SPIDR: variants seen among roughly 807,000 people sequenced by gnomAD.
SPIDR encodes scaffold protein involved in DNA repair.
Under a neutral mutation model 104.6 loss-of-function variants are expected in SPIDR, and 93 were observed. That is an observed-to-expected ratio of 0.89 (90% CI 0.75 to 1.06). The LOEUF is 1.06. Ranked by LOEUF, SPIDR falls within the 50% of genes least tolerant of loss-of-function variation. SPIDR has a pLI of 0.00. For missense variants in SPIDR, 1,154 were observed against 1,111.2 expected (o/e 1.04, Z -0.55); for synonymous variants, 431 against 416.9 (o/e 1.03, Z -0.41).
chr8:47,262,671 T>C (rs2032801780), intron 1 of SPIDR, among the ~76,000 whole-genome samples: 1 of 152,142 alleles, frequency 6.6e-6, no homozygotes. Context: ...AGAAGTGACA[T>C]CCCATCTCCT....
intron 8 of SPIDR, among the ~76,000 whole-genome samples, chr8:47,582,585 G>A (rs2059817130): frequency 6.6e-6 from 1 of 152,090 alleles, no homozygotes; most frequent in Non-Finnish European, 1.5e-5. Context: ...ATTCTCAGGT[G>A]AGAAGTGGAA....
At chr8:47,600,236 C>T (rs908980631) in intron 10 of SPIDR, among the ~76,000 whole-genome samples, 2 of 152,280 alleles carry the variant, frequency 1.3e-5, no homozygotes, top group East Asian at 3.9e-4. Flanking sequence ...CCTGGCCGGG[C>T]ATGGTTGCTC....
chr8:47,293,916 T>C lies in SPIDR; in HGVS notation c.411T>C (p.Ala137=). The change falls in exon 5 of 20, where the codon GCT becomes GCC. Residue 137 remains alanine (A), a synonymous_variant. Transcript: ENST00000297423. The stretch of plus-strand genomic sequence containing the variant: ...AGATTGACAGTGACAGGGCAGAGGC[T>C]AGTGACTGTGATGAATTTGAAGATG... ...DWEIDSDRAE[A]SDCDEFEDDE... 1 of 1,614,108 alleles carries C rather than the reference T, an allele frequency of 6.2e-7. No individual in the cohort carries two copies. The highest frequency in any genetic ancestry group is 8.5e-7 in the Non-Finnish European group (1 of 1,179,968).
chr8:47,475,063 A>T (rs1489521116), intron 8 of SPIDR, among the ~76,000 whole-genome samples: 2 of 152,190 alleles, frequency 1.3e-5, no homozygotes, highest in African/African-American at 4.8e-5. Flanking sequence ...GAAGTGTTTC[A>T]TAGATTTTCT....
intron 10 of SPIDR, among the ~76,000 whole-genome samples, chr8:47,612,463 G>T (rs1243950864): frequency 1.3e-5 from 2 of 152,206 alleles, no homozygotes; most frequent in Non-Finnish European, 2.9e-5. Flanking sequence ...TTCAGAAAAG[G>T]CTAGAACAAG....
intron 3 of SPIDR, 41 bp from the exon 4 acceptor site, chr8:47,290,992 A>G (rs1586428375): frequency 1.4e-6 from 2 of 1,475,726 alleles, no homozygotes; most frequent in Non-Finnish European, 9.4e-7. Context: ...AAATGACCAT[A>G]TAAGGAGATC....
At chr8:47,440,257 T>TA in intron 7 of SPIDR, 66 bp from the exon 8 acceptor site, 1 of 1,406,854 alleles carries the variant, frequency 7.1e-7, no homozygotes, top group Non-Finnish European at 9.9e-7. Context: ...TCATGACACT[T>TA]TATTCACGCT....
intron 5 of SPIDR, among the ~76,000 whole-genome samples, chr8:47,322,219 A>G (rs2046779235): frequency 6.6e-6 from 1 of 152,220 alleles, no homozygotes; most frequent in Non-Finnish European, 1.5e-5. Flanking sequence ...AATATCCAGA[A>G]TCTACAATGA....
intron 1 of SPIDR, 50 bp downstream of exon 1, chr8:47,261,041 G>T: frequency 8.2e-7 from 1 of 1,226,398 alleles, no homozygotes; most frequent in Non-Finnish European, 1.0e-6. Flanking sequence ...GCGTTGCGGG[G>T]AAGCGGCGGG....
chr8:47,287,710 T>A (rs2039130178), intron 3 of SPIDR, among the ~76,000 whole-genome samples: 1 of 152,230 alleles, frequency 6.6e-6, no homozygotes, highest in Non-Finnish European at 1.5e-5. Context: ...TCAGACCTTA[T>A]GGTTGTTTTC....
intron 10 of SPIDR, among the ~76,000 whole-genome samples, chr8:47,660,045 C>T (rs190058475): frequency 3.5e-4 from 53 of 152,260 alleles, no homozygotes; most frequent in African/African-American, 1.1e-3. Context: ...GAAACTGAGC[C>T]AGTGAATGAA....
At chr8:47,575,894 A>T (rs1325213150) in intron 8 of SPIDR, among the ~76,000 whole-genome samples, 2 of 149,270 alleles carry the variant, frequency 1.3e-5, no homozygotes, top group Admixed American at 1.3e-4. Context: ...TGGCAGGCGG[A>T]GGTTGCAGTG....
At chr8:47,514,070 T>C (rs1377431959) in intron 8 of SPIDR, among the ~76,000 whole-genome samples, 1 of 152,216 alleles carries the variant, frequency 6.6e-6, no homozygotes, top group Non-Finnish European at 1.5e-5. Flanking sequence ...GCACCTTTTG[T>C]ATCTGATCAA....
chr8:47,348,839 A>C (rs2052775978), intron 5 of SPIDR, among the ~76,000 whole-genome samples: 1 of 152,084 alleles, frequency 6.6e-6, no homozygotes, highest in East Asian at 1.9e-4. Flanking sequence ...TATCCTAGTT[A>C]GCCATTTGTC....
intron 10 of SPIDR, among the ~76,000 whole-genome samples, chr8:47,647,152 A>G (rs1166220500): frequency 6.6e-6 from 1 of 152,200 alleles, no homozygotes; most frequent in East Asian, 1.9e-4. Flanking sequence ...CCATGCTGAA[A>G]CATTTATCCA....
At chr8:47,354,605 G>T (rs1197373653) in intron 5 of SPIDR, among the ~76,000 whole-genome samples, 1 of 151,842 alleles carries the variant, frequency 6.6e-6, no homozygotes, top group Non-Finnish European at 1.5e-5. Flanking sequence ...ATAAATTTAT[G>T]TTTATACTGA....
intron 8 of SPIDR, among the ~76,000 whole-genome samples, chr8:47,491,808 C>T (rs927250055): frequency 2.6e-5 from 4 of 152,080 alleles, no homozygotes; most frequent in Non-Finnish European, 5.9e-5. Flanking sequence ...TATGATCCTG[C>T]ACTCCACTCC....
intron 8 of SPIDR, among the ~76,000 whole-genome samples, chr8:47,478,334 A>G (rs1231309821): frequency 6.6e-6 from 1 of 152,188 alleles, no homozygotes; most frequent in African/African-American, 2.4e-5. Flanking sequence ...GACTTCTGAG[A>G]GTGCCAAGGA....
chr8:47,299,863 T>C (rs1166415098), intron 5 of SPIDR, among the ~76,000 whole-genome samples: 1 of 152,232 alleles, frequency 6.6e-6, no homozygotes, highest in Admixed American at 6.5e-5. Flanking sequence ...CAGTGTTTTA[T>C]TGAGGATTTT....
Sources: gnomAD v4.1 joint callset for allele counts (sites outside exome capture counted in the v4.1 genomes callset) on GRCh38, gnomAD v4.1.1 for gene constraint, MANE v1.5 for transcripts, NCBI Gene and HGNC (gene_info 2026-07-23, HGNC 2026-07-21) for gene names.